The following LIPE variants were observed in gnomAD, a reference collection of about 807,000 sequenced individuals.
LIPE encodes lipase E, hormone sensitive type, also known as hormone-sensitive lipase.
Under a neutral mutation model 88.5 loss-of-function variants are expected in LIPE, and 66 were observed. The ratio of observed to expected loss-of-function variants is 0.75; its 90% CI spans 0.61 to 0.91. The LOEUF is 0.91. Among genes scored for constraint, LIPE ranks in the 40% least tolerant of loss-of-function variants. The pLI is 0.00. For synonymous variants in LIPE, 570 were observed against 617.5 expected, an observed-to-expected ratio of 0.92 and a Z score of 1.14; for missense variants, 1,346 against 1,434.7, an observed-to-expected ratio of 0.94 and a Z score of 1.00.
Position 42,407,525 on chromosome 19 carries a change from C to A in LIPE, c.1843-57G>T. On this transcript the variant is annotated intron_variant, in intron 5 of 9. Transcript: ENST00000244289. This position sits in a 1 kb window ranked among gnomAD's most constrained non-coding sequence, Gnocchi z 5.8. Reference sequence around the variant, plus strand: ...TTGGGGAGAGCTGGCCAGGGCTGCACCCCTCCATGGGGATGCCAAGGTGGG... The same window carrying A: ...TTGGGGAGAGCTGGCCAGGGCTGCAACCCTCCATGGGGATGCCAAGGTGGG... 2 of 1,581,472 alleles carry A rather than the reference C, an allele frequency of 1.3e-6. No individual in the cohort carries two copies. The highest frequency in any genetic ancestry group is 1.2e-5 in the South Asian group (1 of 86,084).
At position 42,407,389 on chromosome 19, in the gene LIPE, G is replaced by A; in HGVS notation, c.1922C>T (p.Pro641Leu). Reference sequence around the variant, plus strand: ...GTGCACTATCAGGGACCGCGAGCGGGGTGCCTGCTGGGGGCGCGGCCACAG... The same window carrying A: ...GTGCACTATCAGGGACCGCGAGCGGAGTGCCTGCTGGGGGCGCGGCCACAG... ...LELWPRPQQA[P>L]RSRSLIVHFH... Residue 641 changes from proline to leucine, a missense_variant, in exon 6 of 10, where the codon CCC (proline) becomes CTC (leucine). By Grantham distance (98) the Pro-to-Leu change is moderately conservative. Coordinates refer to ENST00000244289, the MANE Select transcript of LIPE (RefSeq NM_005357.4). The surrounding 1 kb of genome is among the most constrained non-coding windows in gnomAD (Gnocchi z 5.8). 6.2e-7 allele frequency: 1 copy of A among 1,613,730 alleles called. No homozygotes were observed. Among genetic ancestry groups the A allele is most frequent in the Non-Finnish European group, 8.5e-7 (1 of 1,179,858 alleles).
intron 9 of LIPE, 127 bp downstream of exon 9, chr19:42,402,479 GA>G (rs747398585): frequency 1.2e-6 from 1 of 805,186 alleles, no homozygotes. Flanking sequence ...CTCCCCTGGG[GA>G]CACGCCTGTC....
chr19:42,409,333 C>T (rs1208630419), intron 2 of LIPE, among the ~76,000 whole-genome samples: 1 of 146,200 alleles, frequency 6.8e-6, no homozygotes, highest in Non-Finnish European at 1.5e-5. Context: ...GGGTGGATCA[C>T]TTGAGGTCAG....
In LIPE at chr19:42,426,921, C is replaced by A; in HGVS notation, c.229G>T (p.Ala77Ser). Residue 77 changes from alanine to serine, a missense_variant, in exon 1 of 10, where the codon GCC becomes TCC. Physicochemically the swap from Ala to Ser is moderately conservative, Grantham distance 99. Coordinates refer to ENST00000244289, the MANE Select transcript of LIPE (RefSeq NM_005357.4). ...TCTTGTGAAGCAGATTTTTGTTGGGCTCTAGGTTCCTTCTGGGATTCAGCA... is the reference window on the plus strand; with the variant it reads ...TCTTGTGAAGCAGATTTTTGTTGGGATCTAGGTTCCTTCTGGGATTCAGCA... The part of the protein sequence containing the change: ...HDAESQKEPR[A>S]QQKSASQEEF... 1 of 1,614,128 alleles carries A rather than the reference C, an allele frequency of 6.2e-7. No homozygotes were observed. Among genetic ancestry groups the A allele is most frequent in the Non-Finnish European group, 8.5e-7 (1 of 1,180,018 alleles).
At chr19:42,421,361 G>T (rs990499984) in intron 1 of LIPE, among the ~76,000 whole-genome samples, 1 of 152,072 alleles carries the variant, frequency 6.6e-6, no homozygotes, top group South Asian at 2.1e-4. Flanking sequence ...AGCACTTAAC[G>T]CCTGTCCATC....
At chr19:42,409,871 A>T (rs1419131770) in intron 2 of LIPE, among the ~76,000 whole-genome samples, 1 of 151,998 alleles carries the variant, frequency 6.6e-6, no homozygotes, top group Non-Finnish European at 1.5e-5. Flanking sequence ...GCCTGAAGGG[A>T]AGCCTGGAGA....
chr19:42,418,607 A>C (rs1355162200), intron 1 of LIPE, among the ~76,000 whole-genome samples: 1 of 152,120 alleles, frequency 6.6e-6, no homozygotes, highest in Non-Finnish European at 1.5e-5. Context: ...TGAGGCTAGG[A>C]GTTCGAGACT....
intron 1 of LIPE, chr19:42,423,334 G>T: frequency 1.9e-6 from 2 of 1,052,570 alleles, no homozygotes; most frequent in Non-Finnish European, 2.6e-6. Context: ...ACTCCCTGTG[G>T]CAGTGGGCCA....
chr19:42,410,613 G>A lies in LIPE; in HGVS notation c.1113C>T (p.Asn371=), dbSNP rs34623222. The change falls in exon 2 of 10, where the codon AAC becomes AAT. Residue 371 remains asparagine (N), a synonymous_variant. Transcript: ENST00000244289. This position sits in a 1 kb window ranked among gnomAD's most constrained non-coding sequence, Gnocchi z 6.1. The stretch of plus-strand genomic sequence containing the variant: ...CTGTGTGCACTAGGCTGCGGTACCC[G>A]TTGGCCGGTGTCTCTGGGTCCAGGT... ...LFDLDPETPA[N]GYRSLVHTAR... 1.1e-3 allele frequency: 1,821 copies of A among 1,613,340 alleles called. 1 individual carries two copies. The highest frequency in any genetic ancestry group is 5.6e-3 in the Middle Eastern group (34 of 6,054).
rs2040182253 is a variant in LIPE, at chr19:42,406,314, C to T, written c.2212G>A (p.Ala738Thr). Reference protein sequence around the residue: ...GNLCFTVALRAAAYGVRVPDG... With the variant: ...GNLCFTVALRTAAYGVRVPDG... Reference sequence around the variant, plus strand: ...GGCACCCGCACCCCGTAGGCTGCTGCCCGAAGAGCCACGGTGAAGCAGAGG... The same window carrying T: ...GGCACCCGCACCCCGTAGGCTGCTGTCCGAAGAGCCACGGTGAAGCAGAGG... The change falls in exon 7 of 10, where the codon GCA becomes ACA. Residue 738 changes from alanine (A) to threonine (T), a missense_variant. Transcript: ENST00000244289. This position sits in a 1 kb window ranked among gnomAD's most constrained non-coding sequence, Gnocchi z 5.7. 6.2e-7 allele frequency: 1 copy of T among 1,614,164 alleles called. No individual in the cohort carries two copies. The highest frequency in any genetic ancestry group is 2.2e-5 in the East Asian group (1 of 44,880).
Position 42,407,350 on chromosome 19 carries a change from C to G in LIPE, c.1961G>C (p.Gly654Ala). 2 of 1,613,056 alleles carry G rather than the reference C, an allele frequency of 1.2e-6. No individual in the cohort carries two copies. The highest frequency in any genetic ancestry group is 1.7e-6 in the Non-Finnish European group (2 of 1,179,668). ...RSLIVHFHGGGFVAQTSRSHE... is the reference protein window; with the variant it reads ...RSLIVHFHGGAFVAQTSRSHE... ...GGATCTGGAGGTCTGGGCCACAAAG[C>G]CACCGCCGTGGAAGTGCACTATCAG... is the stretch of plus-strand genomic sequence containing the variant. Residue 654 changes from glycine to alanine, a missense_variant, in exon 6 of 10, where the codon GGC becomes GCC. Gly to Ala is a moderately conservative substitution (Grantham distance 60). Coordinates refer to ENST00000244289, the MANE Select transcript of LIPE (RefSeq NM_005357.4). This position sits in a 1 kb window ranked among gnomAD's most constrained non-coding sequence, Gnocchi z 5.8.
intron 1 of LIPE, chr19:42,412,145 T>C: frequency 2.6e-6 from 1 of 385,202 alleles, no homozygotes; most frequent in Non-Finnish European, 3.6e-6. Context: ...TTTCCTCTGA[T>C]ATCCTTTCCC....
intron 1 of LIPE, among the ~76,000 whole-genome samples, chr19:42,415,784 TG>T: frequency 6.7e-6 from 1 of 149,790 alleles, no homozygotes; most frequent in East Asian, 2.0e-4. Context: ...CACTCCAGCC[TG>T]GGTGACAGAG....
chr19:42,406,111 A>AC lies in LIPE; in HGVS notation c.2365+49_2365+50insG. 1 of 1,494,010 alleles carries AC rather than the reference A, an allele frequency of 6.7e-7. No homozygotes were observed. The highest frequency in any genetic ancestry group is 9.2e-7 in the Non-Finnish European group (1 of 1,085,336). The allele number at this position is 1,494,010 out of a possible 1,614,324, so 92.5% of individuals were successfully genotyped here. A position where few individuals can be genotyped will look rare whatever the true frequency, so the allele number is the denominator to read the frequency against. On this transcript the variant is annotated intron_variant, in intron 7 of 9. Coordinates refer to ENST00000244289, the MANE Select transcript of LIPE (RefSeq NM_005357.4). The surrounding 1 kb of genome is among the most constrained non-coding windows in gnomAD (Gnocchi z 5.7). The stretch of plus-strand genomic sequence containing the variant: ...CTGGTCCCCAGCCCGTCCCTGCAGG[A>AC]GTCAGACATCCATGCAGTCCTGTTT...
Position 42,408,293 on chromosome 19 carries a change from C to A in LIPE, c.1449G>T (p.Gln483His). Residue 483 changes from glutamine (Q) to histidine (H), a missense_variant, in exon 3 of 10, where the codon CAG becomes CAT. By Grantham distance (24) the Gln-to-His change is conservative. Transcript: ENST00000244289. The surrounding 1 kb of genome is among the most constrained non-coding windows in gnomAD (Gnocchi z 4.3). ...AGGACACCAGCCCAATGGAGATGGT[C>A]TGCAGGAATGGCCGGATGGCAGGCG... is the stretch of plus-strand genomic sequence containing the variant. ...QFTPAIRPFLQTISIGLVSFG... is the reference protein window; with the variant it reads ...QFTPAIRPFLHTISIGLVSFG... 6.2e-7 allele frequency: 1 copy of A among 1,614,104 alleles called. No individual in the cohort carries two copies. Among genetic ancestry groups the A allele is most frequent in the Middle Eastern group, 1.6e-4 (1 of 6,062 alleles).
chr19:42,423,830 A>G, intron 1 of LIPE: 1 of 1,109,218 alleles, frequency 9.0e-7, no homozygotes, highest in Non-Finnish European at 1.1e-6. Flanking sequence ...ACTAGTGCGG[A>G]GCCCCGCGGG....
At chr19:42,424,043 CGAGGCGGGGCGCCAGCGCTG>C in intron 1 of LIPE, 1 of 1,183,266 alleles carries the variant, frequency 8.5e-7, no homozygotes, top group Admixed American at 3.8e-5. Flanking sequence ...AACTCAAAGA[CGAGGCGGGGCGCCAGCGCTG>C]GAGGCGTGGC....
Position 42,405,404 on chromosome 19 carries a change from CT to C in LIPE, c.2522del (p.Lys841ArgfsTer6). 6.2e-7 allele frequency: 1 copy of C among 1,613,602 alleles called. No homozygotes were observed. The highest frequency in any genetic ancestry group is 8.5e-7 in the Non-Finnish European group (1 of 1,179,970). On this transcript the variant is annotated frameshift_variant, in exon 8 of 10. Coordinates refer to ENST00000244289, the MANE Select transcript of LIPE (RefSeq NM_005357.4). LOFTEE classifies it high-confidence loss of function. ...FLELSGRKSQ[K>X]MSEPIAEPMR... ...ACTCACCTGCTATGGGCTCCGACATCTTCTGGGACTTGCGCCCACTTAACTC... is the reference window on the plus strand; with the variant it reads ...ACTCACCTGCTATGGGCTCCGACATCTCTGGGACTTGCGCCCACTTAACTC...
Position 42,407,322 on chromosome 19 carries a change from G to C in LIPE, c.1989C>G (p.His663Gln). The change falls in exon 6 of 10, where the codon CAC (histidine) becomes CAG (glutamine). Residue 663 changes from histidine (H) to glutamine (Q), a missense_variant. By Grantham distance (24) the His-to-Gln change is conservative. Transcript: ENST00000244289. The surrounding 1 kb of genome is among the most constrained non-coding windows in gnomAD (Gnocchi z 5.8). ...GGGCCCAGCTCTTGAGGTAGGGCTC[G>C]TGGGATCTGGAGGTCTGGGCCACAA... Reference protein sequence around the residue: ...GGFVAQTSRSHEPYLKSWAQE... With the variant: ...GGFVAQTSRSQEPYLKSWAQE... 1 of 1,612,112 alleles carries C rather than the reference G, an allele frequency of 6.2e-7. No individual in the cohort carries two copies. The highest frequency in any genetic ancestry group is 8.5e-7 in the Non-Finnish European group (1 of 1,179,280).
Sources: gnomAD v4.1 joint callset for allele counts (sites outside exome capture counted in the v4.1 genomes callset) on GRCh38, gnomAD v4.1.1 for gene constraint, Gnocchi (gnomAD v3.1) non-coding constraint, MANE v1.5 for transcripts, NCBI Gene and HGNC (gene_info 2026-07-23, HGNC 2026-07-21) for gene names.